Variants in XKR6 observed in about 807,000 individuals in gnomAD.
XKR6 encodes the protein XK related 6.
A neutral mutation model predicts 56.7 loss-of-function variants in XKR6; 22 were observed. That is an observed-to-expected ratio of 0.39 (90% CI 0.28 to 0.55). The LOEUF is 0.55. XKR6 is among the 20% of genes least tolerant of loss of function. The probability of loss-of-function intolerance (pLI) is 0.66; values close to 1 mark genes in which losing one functional copy is unlikely to be tolerated. For missense variants in XKR6, 852 were observed against 889.0 expected, an observed-to-expected ratio of 0.96 and a Z score of 0.53; for synonymous variants, 524 against 387.8, an observed-to-expected ratio of 1.35 and a Z score of -4.13.
At chr8:11,059,023 A>G (rs1483742697) in intron 1 of XKR6, among the ~76,000 whole-genome samples, 1 of 152,246 alleles carries the variant, frequency 6.6e-6, no homozygotes, top group African/African-American at 2.4e-5. Flanking sequence ...AAGTTGAAAT[A>G]GCGGCCCAAG....
intron 1 of XKR6, among the ~76,000 whole-genome samples, chr8:10,973,844 CAA>C (rs1357202081): frequency 1.3e-5 from 2 of 152,362 alleles, no homozygotes; most frequent in African/African-American, 4.8e-5. Context: ...TTCACCCTCT[CAA>C]AGTGTTGGAA....
chr8:11,121,125 G>A (rs149876682), intron 1 of XKR6, among the ~76,000 whole-genome samples: 280 of 152,282 alleles, frequency 1.8e-3, no homozygotes, highest in African/African-American at 6.5e-3. Context: ...ACATAGGCAT[G>A]GGTGAGGACT....
At chr8:11,154,203 G>C (rs564029966) in intron 1 of XKR6, among the ~76,000 whole-genome samples, 5 of 152,288 alleles carry the variant, frequency 3.3e-5, no homozygotes, top group Middle Eastern at 3.4e-3. Context: ...TTTAGGGTGG[G>C]AGCTCTGGCT....
At chr8:10,974,293 G>T (rs76087895) in intron 1 of XKR6, among the ~76,000 whole-genome samples, 2,045 of 152,312 alleles carry the variant, frequency 0.013, 25 homozygotes, top group Middle Eastern at 0.037. Flanking sequence ...TGCTGCACCT[G>T]AGAGGGCCTG....
intron 1 of XKR6, among the ~76,000 whole-genome samples, chr8:11,032,800 C>T (rs1183517508): frequency 6.6e-6 from 1 of 152,198 alleles, no homozygotes; most frequent in Non-Finnish European, 1.5e-5. Flanking sequence ...TTACAAGGCT[C>T]CTGAGAAGAC....
At chr8:10,914,499 G>T (rs1351326384) in intron 2 of XKR6, among the ~76,000 whole-genome samples, 2 of 152,148 alleles carry the variant, frequency 1.3e-5, no homozygotes, top group African/African-American at 4.8e-5. Context: ...GGCCTCTGAC[G>T]TGATGTCTAA....
At chr8:10,941,764 A>AC (rs1046940411) in intron 1 of XKR6, among the ~76,000 whole-genome samples, 23 of 151,668 alleles carry the variant, frequency 1.5e-4, no homozygotes, top group Non-Finnish European at 2.5e-4. Context: ...GGGAGCTGAG[A>AC]CCCCCCACCC....
intron 2 of XKR6, among the ~76,000 whole-genome samples, chr8:10,921,008 A>G (rs968027441): frequency 2.0e-5 from 3 of 152,270 alleles, no homozygotes; most frequent in African/African-American, 7.2e-5. Flanking sequence ...CCTGGGGTGA[A>G]GGCCCAAGAG....
intron 1 of XKR6, among the ~76,000 whole-genome samples, chr8:11,021,632 A>G (rs760017245): frequency 6.6e-6 from 1 of 152,090 alleles, no homozygotes; most frequent in Non-Finnish European, 1.5e-5. Context: ...AGGATCCCAA[A>G]CGCTCCAGAG....
chr8:11,019,424 C>G (rs1798699189), intron 1 of XKR6, among the ~76,000 whole-genome samples: 1 of 152,244 alleles, frequency 6.6e-6, no homozygotes, highest in Non-Finnish European at 1.5e-5. Context: ...CCCATTGTAA[C>G]TATTCTTCCT....
At chr8:11,175,899 G>C (rs1802632650) in intron 1 of XKR6, among the ~76,000 whole-genome samples, 1 of 152,042 alleles carries the variant, frequency 6.6e-6, no homozygotes, top group Admixed American at 6.6e-5. Context: ...CATAATCCAA[G>C]AACAAGAATA....
chr8:11,072,664 A>G (rs1444225900), intron 1 of XKR6, among the ~76,000 whole-genome samples: 1 of 152,182 alleles, frequency 6.6e-6, no homozygotes, highest in African/African-American at 2.4e-5. Flanking sequence ...GCAACAACAC[A>G]TGGGTCAGGG....
intron 1 of XKR6, among the ~76,000 whole-genome samples, chr8:11,115,487 G>A (rs1799126795): frequency 6.6e-6 from 1 of 152,284 alleles, no homozygotes; most frequent in Admixed American, 6.5e-5. Context: ...GTTACAGAAT[G>A]TTTTACACCA....
Position 11,067,314 on chromosome 8 carries a change from T to C in XKR6, c.764+133262A>G, listed in dbSNP as rs1005775178. On this transcript the variant is annotated intron_variant, in intron 1 of 2. Transcript: ENST00000416569. ...GAGCTTGCATCCTCTGTGGATTCCC[T>C]TGCCTCCCGGACACCTGGAGCAGCC... 5.9e-5 allele frequency among the ~76,000 whole-genome samples: 9 copies of C among 152,260 alleles called. No homozygotes were observed. The East Asian group carries it at 1.7e-3, about 29-fold the overall frequency.
intron 1 of XKR6, among the ~76,000 whole-genome samples, chr8:10,976,158 A>G (rs532746424): frequency 2.3e-4 from 35 of 151,796 alleles, no homozygotes; most frequent in African/African-American, 8.5e-4. Context: ...CCTGGGTGAC[A>G]GAGCAAGACT....
chr8:10,910,196 G>A (rs1290089531), intron 2 of XKR6, among the ~76,000 whole-genome samples: 2 of 152,126 alleles, frequency 1.3e-5, no homozygotes, highest in Non-Finnish European at 2.9e-5. Context: ...GCTCTGGAAA[G>A]CCCCTCACAA....
intron 1 of XKR6, among the ~76,000 whole-genome samples, chr8:11,133,627 G>C (rs933201417): frequency 2.6e-5 from 4 of 152,124 alleles, no homozygotes; most frequent in Admixed American, 2.0e-4. Context: ...TCTAAGAATA[G>C]ACTAACCTTT....
chr8:10,964,247 G>A (rs1466135058), intron 1 of XKR6, among the ~76,000 whole-genome samples: 2 of 152,160 alleles, frequency 1.3e-5, no homozygotes, highest in African/African-American at 4.8e-5. Context: ...TGAATGGTTG[G>A]TTCTAAAAAC....
chr8:11,038,514 T>C (rs1182833488), intron 1 of XKR6, among the ~76,000 whole-genome samples: 2 of 143,686 alleles, frequency 1.4e-5, no homozygotes, highest in African/African-American at 5.7e-5. Context: ...TGTGTGTGTG[T>C]GTGTGTGTGT....
Sources: allele counts gnomAD v4.1 joint callset (sites outside exome capture counted in the v4.1 genomes callset), GRCh38; gene constraint gnomAD v4.1.1; transcripts MANE v1.5; gene names NCBI Gene and HGNC (gene_info 2026-07-23, HGNC 2026-07-21).